TENM2: variants seen among roughly 807,000 people sequenced by gnomAD.
TENM2 encodes the protein teneurin-2.
In TENM2, 52 loss-of-function variants were observed where a neutral mutation model predicts 245.2. The ratio of observed to expected loss-of-function variants is 0.21; its 90% confidence interval spans 0.17 to 0.27. The LOEUF is 0.27. TENM2 is among the 10% of genes least tolerant of loss of function. The pLI, the probability that TENM2 is intolerant of heterozygous loss-of-function variation, is 1.00. For synonymous variants in TENM2, 1,363 were observed against 1,438.9 expected (o/e 0.95, Z 1.19); for missense variants, 3,046 against 3,666.8 (o/e 0.83, Z 4.37).
At chr5:167,532,683 C>T (rs1229536275) in intron 2 of TENM2, among the ~76,000 whole-genome samples, 4 of 151,328 alleles carry the variant, frequency 2.6e-5, no homozygotes, top group Non-Finnish European at 5.9e-5. Flanking sequence ...AACCGTATCT[C>T]CTATATGTGT....
At chr5:167,303,777 G>A (rs1174664765) in intron 1 of TENM2, among the ~76,000 whole-genome samples, 4 of 152,134 alleles carry the variant, frequency 2.6e-5, no homozygotes, top group Non-Finnish European at 5.9e-5. Flanking sequence ...AGGCAGGTAA[G>A]ATAAACGGGG....
the TENM2 span, among the ~76,000 whole-genome samples, chr5:167,010,764 T>A: frequency 6.6e-6 from 1 of 152,334 alleles, no homozygotes. Flanking sequence ...GTTGTTTTTG[T>A]GGCACAAATT....
chr5:167,644,615 C>A (rs1779811857), intron 2 of TENM2, among the ~76,000 whole-genome samples: 1 of 152,210 alleles, frequency 6.6e-6, no homozygotes, highest in South Asian at 2.1e-4. Context: ...GACATAGCTT[C>A]TACCATTGTT....
intron 2 of TENM2, among the ~76,000 whole-genome samples, chr5:167,640,511 G>C (rs1018627513): frequency 2.0e-5 from 3 of 151,610 alleles, no homozygotes; most frequent in African/African-American, 7.3e-5. Context: ...CCAGCTACTC[G>C]GGAGGCTGAG....
At chr5:168,246,949 G>T in exon 27 of TENM2, 1 of 1,613,962 alleles carries the variant, frequency 6.2e-7, no homozygotes, top group Non-Finnish European at 8.5e-7. Flanking sequence ...CAGTGATGAC[G>T]GCCGCATCCT....
chr5:167,850,241 A>G (rs2151203746), intron 2 of TENM2, among the ~76,000 whole-genome samples: 1 of 152,370 alleles, frequency 6.6e-6, no homozygotes, highest in East Asian at 1.9e-4. Context: ...ATTTCACAAT[A>G]TCACAGTAAC....
chr5:167,172,895 T>C, the TENM2 span, among the ~76,000 whole-genome samples: 2 of 152,194 alleles, frequency 1.3e-5, no homozygotes, highest in African/African-American at 2.4e-5. Flanking sequence ...CTCTTCTCTT[T>C]TTATTTCCTA....
At chr5:167,594,746 G>A (rs1026125528) in intron 2 of TENM2, among the ~76,000 whole-genome samples, 5 of 152,280 alleles carry the variant, frequency 3.3e-5, no homozygotes, top group East Asian at 1.9e-4. Context: ...TTTTCAAATA[G>A]AAAGAACTAA....
At chr5:168,000,226 T>C (rs958316752) in intron 5 of TENM2, among the ~76,000 whole-genome samples, 2 of 152,242 alleles carry the variant, frequency 1.3e-5, no homozygotes, top group Non-Finnish European at 2.9e-5. Context: ...CATCTTTCGT[T>C]GGTTCATTGA....
intron 5 of TENM2, among the ~76,000 whole-genome samples, chr5:168,034,091 G>GTATATATATA: frequency 7.6e-6 from 1 of 131,016 alleles, no homozygotes; most frequent in Admixed American, 8.1e-5. Context: ...ACATATATAT[G>GTATATATATA]TGTATATATA....
intron 2 of TENM2, among the ~76,000 whole-genome samples, chr5:167,724,272 TG>T (rs1759835470): frequency 1.3e-5 from 2 of 152,030 alleles, no homozygotes. Context: ...AAAGACAATC[TG>T]TGGATAAATT....
chr5:167,941,966 G>T (rs1206715666), intron 3 of TENM2, among the ~76,000 whole-genome samples: 2 of 152,176 alleles, frequency 1.3e-5, no homozygotes, highest in African/African-American at 4.8e-5. Flanking sequence ...CCAGCACTTT[G>T]GGAGGTCAAG....
intron 2 of TENM2, among the ~76,000 whole-genome samples, chr5:167,675,705 A>G (rs770773108): frequency 2.6e-5 from 4 of 152,076 alleles, no homozygotes; most frequent in Non-Finnish European, 5.9e-5. Context: ...GTATCTTTCT[A>G]TCAACATAGT....
intron 2 of TENM2, among the ~76,000 whole-genome samples, chr5:167,592,258 T>C (rs1375732363): frequency 2.6e-5 from 4 of 152,212 alleles, no homozygotes; most frequent in Non-Finnish European, 4.4e-5. Flanking sequence ...GTAAGTACCT[T>C]TGTGTCGTGT....
the TENM2 span, among the ~76,000 whole-genome samples, chr5:167,158,887 C>CCTTCCTT: frequency 9.6e-5 from 14 of 145,304 alleles, no homozygotes; most frequent in Non-Finnish European, 1.5e-4. Flanking sequence ...TTCCTTCCTT[C>CCTTCCTT]CTTCCTTCCT....
chr5:167,695,510 G>A (rs1399768651), intron 2 of TENM2, among the ~76,000 whole-genome samples: 1 of 152,072 alleles, frequency 6.6e-6, no homozygotes, highest in African/African-American at 2.4e-5. Flanking sequence ...GCCATTGGAG[G>A]AGTCTCAGTG....
intron 2 of TENM2, among the ~76,000 whole-genome samples, chr5:167,555,366 CT>C (rs1385358510): frequency 6.6e-5 from 10 of 152,276 alleles, no homozygotes; most frequent in Non-Finnish European, 1.3e-4. Context: ...TAATTTTTCC[CT>C]TTTCTTTTTG....
At chr5:167,751,692 A>G (rs1761967469) in intron 2 of TENM2, among the ~76,000 whole-genome samples, 1 of 152,158 alleles carries the variant, frequency 6.6e-6, no homozygotes, top group South Asian at 2.1e-4. Flanking sequence ...TTTCCAGATT[A>G]ATAAATTGCT....
intron 2 of TENM2, among the ~76,000 whole-genome samples, chr5:167,793,998 C>T (rs1024264607): frequency 6.6e-6 from 1 of 151,416 alleles, no homozygotes; most frequent in Admixed American, 6.6e-5. Context: ...GTTAATAAGC[C>T]CCAAATTTGA....
Sources: gnomAD v4.1 joint callset for allele counts (sites outside exome capture counted in the v4.1 genomes callset) on GRCh38, gnomAD v4.1.1 for gene constraint, MANE v1.5 for transcripts, NCBI Gene and HGNC (gene_info 2026-07-23, HGNC 2026-07-21) for gene names.